Variants in ALDH1A2 observed in about 807,000 individuals in gnomAD.
ALDH1A2 encodes aldehyde dehydrogenase 1 family member A2.
In ALDH1A2, 27 loss-of-function variants were observed where a neutral mutation model predicts 60.3. That is an observed-to-expected ratio of 0.45 (90% CI 0.33 to 0.62). The LOEUF is 0.62. Among genes scored for constraint, ALDH1A2 ranks in the 20% least tolerant of loss-of-function variants. The pLI is 0.02. For synonymous variants in ALDH1A2, 289 were observed against 232.4 expected (o/e 1.24, Z -2.21); for missense variants, 581 against 643.8 (o/e 0.90, Z 1.06).
At chr15:57,975,652 G>A (rs1402968968) in intron 7 of ALDH1A2, among the ~76,000 whole-genome samples, 13 of 151,950 alleles carry the variant, frequency 8.6e-5, no homozygotes, top group Non-Finnish European at 1.6e-4. Flanking sequence ...CTACTACTTG[G>A]CAATAAAAAA....
chr15:57,959,147 G>T (rs1045075260), intron 12 of ALDH1A2, among the ~76,000 whole-genome samples: 1 of 152,126 alleles, frequency 6.6e-6, no homozygotes, highest in East Asian at 1.9e-4. Context: ...ATCATTTATT[G>T]AAAGTATATT....
chr15:57,975,648 C>G lies in ALDH1A2; in HGVS notation c.799-9821G>C, dbSNP rs188656696. Among the ~76,000 whole-genome samples, 248 of 152,230 alleles carry G rather than the reference C, an allele frequency of 1.6e-3. 1 individual carries two copies. The highest frequency in any genetic ancestry group is 0.011 in the Admixed American group (163 of 15,286). ...CTATATACCCATAAATGGACTACTA[C>G]TTGGCAATAAAAAAGAACGAATTGA... is the stretch of plus-strand genomic sequence containing the variant. On this transcript the variant is annotated intron_variant, in intron 7 of 12. Coordinates refer to ENST00000249750, the MANE Select transcript of ALDH1A2 (RefSeq NM_003888.4).
At chr15:58,032,379 T>C (rs974769451) in intron 1 of ALDH1A2, among the ~76,000 whole-genome samples, 1 of 152,068 alleles carries the variant, frequency 6.6e-6, no homozygotes, top group East Asian at 1.9e-4. Flanking sequence ...GGGGTAGGGA[T>C]AGCATTAGGA....
intron 1 of ALDH1A2, among the ~76,000 whole-genome samples, chr15:58,042,920 C>T (rs1454238851): frequency 1.3e-5 from 2 of 151,928 alleles, no homozygotes; most frequent in Non-Finnish European, 2.9e-5. Flanking sequence ...TCTCACCTGG[C>T]CACTATCAAT....
At chr15:57,976,625 T>C (rs571763915) in intron 7 of ALDH1A2, among the ~76,000 whole-genome samples, 2 of 152,310 alleles carry the variant, frequency 1.3e-5, no homozygotes, top group South Asian at 2.1e-4. Context: ...TGGTATTCCA[T>C]GGTGTATATG....
intron 1 of ALDH1A2, among the ~76,000 whole-genome samples, chr15:58,050,094 T>C (rs1394538639): frequency 1.3e-5 from 2 of 152,056 alleles, no homozygotes; most frequent in Non-Finnish European, 2.9e-5. Flanking sequence ...TGTTTTTGTT[T>C]GTATGATTTT....
chr15:57,978,589 G>C (rs548321117), intron 7 of ALDH1A2, among the ~76,000 whole-genome samples: 10 of 152,158 alleles, frequency 6.6e-5, no homozygotes, highest in African/African-American at 2.4e-4. Flanking sequence ...AGGTTTTATT[G>C]TGTTTGGTCC....
intron 7 of ALDH1A2, among the ~76,000 whole-genome samples, chr15:57,973,075 A>T (rs866319431): frequency 1.3e-5 from 2 of 152,330 alleles, no homozygotes; most frequent in African/African-American, 4.8e-5. Flanking sequence ...GCACGAATCA[A>T]TCTGGACTCT....
At chr15:57,966,222 G>A (rs1893893782) in intron 7 of ALDH1A2, among the ~76,000 whole-genome samples, 1 of 152,172 alleles carries the variant, frequency 6.6e-6, no homozygotes, top group Non-Finnish European at 1.5e-5. Flanking sequence ...GATATCATGA[G>A]GATAAAACAA....
intron 4 of ALDH1A2, among the ~76,000 whole-genome samples, chr15:57,996,501 CT>C (rs1416692134): frequency 6.7e-6 from 1 of 149,338 alleles, no homozygotes. Context: ...TTGTTTTTCC[CT>C]CTTTTTTTTT....
At chr15:58,024,640 A>G (rs771042371) in intron 1 of ALDH1A2, among the ~76,000 whole-genome samples, 4 of 152,220 alleles carry the variant, frequency 2.6e-5, no homozygotes, top group Non-Finnish European at 5.9e-5. Flanking sequence ...TGTCAGCACT[A>G]GACAGATCAT....
At chr15:57,972,719 C>A (rs1305549805) in intron 7 of ALDH1A2, among the ~76,000 whole-genome samples, 1 of 152,318 alleles carries the variant, frequency 6.6e-6, no homozygotes, top group East Asian at 1.9e-4. Context: ...TTAAAACCTA[C>A]ACAACCAAAG....
At chr15:58,012,952 A>T (rs1462482951) in intron 3 of ALDH1A2, among the ~76,000 whole-genome samples, 1 of 152,258 alleles carries the variant, frequency 6.6e-6, no homozygotes, top group Non-Finnish European at 1.5e-5. Flanking sequence ...TATAGTGCAT[A>T]CATTCCTAAA....
intron 1 of ALDH1A2, among the ~76,000 whole-genome samples, chr15:58,044,531 C>T (rs1896593994): frequency 6.6e-6 from 1 of 151,952 alleles, no homozygotes; most frequent in South Asian, 2.1e-4. Context: ...CATTTTCTTT[C>T]CCGAAAGCAA....
Position 58,014,206 on chromosome 15 carries a change from G to C in ALDH1A2, c.193C>G (p.Gln65Glu). The C allele has an allele frequency of 6.2e-7, 1 of 1,614,024 alleles. No individual in the cohort carries two copies. The highest frequency in any genetic ancestry group is 8.5e-7 in the Non-Finnish European group (1 of 1,179,964). The change falls in exon 2 of 13, where the codon CAG becomes GAG. Residue 65 changes from glutamine (Q) to glutamate (E), a missense_variant. Gln to Glu is a conservative substitution (Grantham distance 29). Around this residue, in one of 2 missense-constraint regions of ALDH1A2, gnomAD observed 206 missense variants for 174.1 expected, o/e 1.18. Transcript: ENST00000249750. ...FPVYNPATGE[Q>E]VCEVQEADKA... ...TCTGCTTCTTGAACTTCACACACCT[G>C]TTCTCCTGTGGCTGGATTATAGACA...
intron 1 of ALDH1A2, among the ~76,000 whole-genome samples, chr15:58,038,734 T>C (rs1281694589): frequency 6.6e-6 from 1 of 151,748 alleles, no homozygotes; most frequent in African/African-American, 2.4e-5. Context: ...AATATTGTGG[T>C]AGAAGGCAAT....
At chr15:58,054,124 A>T (rs1254774759) in intron 1 of ALDH1A2, among the ~76,000 whole-genome samples, 16 of 152,170 alleles carry the variant, frequency 1.1e-4, no homozygotes, top group African/African-American at 3.6e-4. Flanking sequence ...GTTCCCAGGC[A>T]TAACTAACCA....
chr15:58,014,776 A>G (rs1265259963), intron 1 of ALDH1A2, among the ~76,000 whole-genome samples: 3 of 152,198 alleles, frequency 2.0e-5, no homozygotes, highest in Non-Finnish European at 4.4e-5. Flanking sequence ...CTCTAACCAA[A>G]CTAACTAGTT....
At chr15:58,057,425 T>G (rs930342312) in intron 1 of ALDH1A2, among the ~76,000 whole-genome samples, 1 of 152,146 alleles carries the variant, frequency 6.6e-6, no homozygotes, top group Non-Finnish European at 1.5e-5. Flanking sequence ...TGAAGATAAA[T>G]GCCTCTGGCA....
Sources: allele counts gnomAD v4.1 joint callset (sites outside exome capture counted in the v4.1 genomes callset), GRCh38; gene constraint gnomAD v4.1.1; regional missense constraint gnomAD v4.1.1; transcripts MANE v1.5; gene names NCBI Gene and HGNC (gene_info 2026-07-23, HGNC 2026-07-21).